ARHGAP10: variants seen among roughly 807,000 people sequenced by gnomAD.
ARHGAP10 encodes the protein Rho GTPase activating protein 10, also known as rho GTPase-activating protein 10.
In ARHGAP10, 87 loss-of-function variants were observed where a neutral mutation model predicts 108.6. The ratio of observed to expected loss-of-function variants is 0.80; its 90% CI spans 0.67 to 0.96. The LOEUF is 0.96. Among genes scored for constraint, ARHGAP10 ranks in the 40% least tolerant of loss-of-function variants. The probability of loss-of-function intolerance (pLI) is 0.00; values close to 1 mark genes in which losing one functional copy is unlikely to be tolerated. For missense variants in ARHGAP10, 939 were observed against 954.5 expected, an observed-to-expected ratio of 0.98 and a Z score of 0.21; for synonymous variants, 347 against 341.1, an observed-to-expected ratio of 1.02 and a Z score of -0.19.
At chr4:148,022,206 C>T (rs543593844) in intron 18 of ARHGAP10, among the ~76,000 whole-genome samples, 1 of 152,146 alleles carries the variant, frequency 6.6e-6, no homozygotes, top group Non-Finnish European at 1.5e-5. Context: ...ATGTGCAGAA[C>T]GTGCAGATTT....
chr4:147,780,632 T>C (rs1579034836), intron 1 of ARHGAP10, among the ~76,000 whole-genome samples: 1 of 152,258 alleles, frequency 6.6e-6, no homozygotes, highest in East Asian at 1.9e-4. Flanking sequence ...TCTTCTCCTT[T>C]GCATGGAGAG....
chr4:147,810,824 A>T (rs1019474803), intron 1 of ARHGAP10, among the ~76,000 whole-genome samples: 6 of 152,178 alleles, frequency 3.9e-5, no homozygotes, highest in African/African-American at 1.4e-4. Flanking sequence ...AATCTTCCTA[A>T]AGCCATCATG....
chr4:148,070,683 T>G (rs2149695749), intron 22 of ARHGAP10, among the ~76,000 whole-genome samples: 1 of 152,292 alleles, frequency 6.6e-6, no homozygotes, highest in South Asian at 2.1e-4. Flanking sequence ...TTCATGAAAC[T>G]TGTGTGTGTT....
intron 18 of ARHGAP10, among the ~76,000 whole-genome samples, chr4:148,011,692 G>A (rs7666885): frequency 0.23 from 35,006 of 152,118 alleles, 6,270 homozygotes; most frequent in African/African-American, 0.5. Context: ...AAGAGTGTCA[G>A]AGAATTTGTG....
At position 148,023,289 on chromosome 4, in the gene ARHGAP10, A is replaced by G; in HGVS notation, c.1743A>G (p.Thr581=). The G allele has an allele frequency of 3.1e-6, 5 of 1,614,118 alleles. No individual in the cohort carries two copies. The highest frequency in any genetic ancestry group is 4.2e-6 in the Non-Finnish European group (5 of 1,179,982). Residue 581 remains threonine, a synonymous_variant, in exon 19 of 23, where the codon ACA becomes ACG. Coordinates refer to ENST00000336498, the MANE Select transcript of ARHGAP10 (RefSeq NM_024605.4). The part of the protein sequence containing the change: ...EKIFRTPPDT[T]FPEPTCLSAS... ...TTTTTCGGACGCCGCCCGATACTAC[A>G]TTCCCTGAGCCCACCTGCCTGTCAG...
At chr4:148,025,211 G>A (rs1248297083) in intron 19 of ARHGAP10, among the ~76,000 whole-genome samples, 2 of 152,046 alleles carry the variant, frequency 1.3e-5, no homozygotes, top group Admixed American at 6.6e-5. Context: ...AAAATAATTC[G>A]TTAAAATTAC....
At chr4:147,980,116 T>C (rs1739754070) in intron 18 of ARHGAP10, among the ~76,000 whole-genome samples, 1 of 152,194 alleles carries the variant, frequency 6.6e-6, no homozygotes, top group Non-Finnish European at 1.5e-5. Context: ...GTTCCGGTTC[T>C]TAAGGAAAAT....
chr4:147,964,068 G>A (rs1199418709), intron 16 of ARHGAP10, among the ~76,000 whole-genome samples: 1 of 152,156 alleles, frequency 6.6e-6, no homozygotes, highest in African/African-American at 2.4e-5. Flanking sequence ...TCACTGACCC[G>A]AGGAAACTGC....
At chr4:148,013,249 C>T (rs776767642) in intron 18 of ARHGAP10, among the ~76,000 whole-genome samples, 1 of 152,162 alleles carries the variant, frequency 6.6e-6, no homozygotes, top group African/African-American at 2.4e-5. Flanking sequence ...ATTGGATTCT[C>T]TCTTAAATAT....
intron 18 of ARHGAP10, among the ~76,000 whole-genome samples, chr4:147,982,299 A>G (rs2149627999): frequency 6.6e-6 from 1 of 150,890 alleles, no homozygotes; most frequent in South Asian, 2.1e-4. Context: ...AAGTCTGATG[A>G]CTATGTGCCT....
chr4:147,861,947 C>G (rs1020229633), intron 5 of ARHGAP10: 2 of 152,398 alleles, frequency 1.3e-5, no homozygotes, highest in Admixed American at 1.3e-4. Context: ...CCCAGCGGCT[C>G]CCAGGCTTCA....
intron 1 of ARHGAP10, among the ~76,000 whole-genome samples, chr4:147,757,023 G>A (rs1024676444): frequency 1.3e-5 from 2 of 149,978 alleles, no homozygotes; most frequent in Non-Finnish European, 3.0e-5. Context: ...GAGTGAGAGC[G>A]AGAGAGAGAG....
chr4:148,066,317 T>C (rs1409811877), intron 22 of ARHGAP10, among the ~76,000 whole-genome samples: 1 of 152,222 alleles, frequency 6.6e-6, no homozygotes, highest in Non-Finnish European at 1.5e-5. Flanking sequence ...GTCACATGCT[T>C]ACCCTACATC....
chr4:147,963,556 G>A (rs900127781), intron 16 of ARHGAP10, among the ~76,000 whole-genome samples: 4 of 152,162 alleles, frequency 2.6e-5, no homozygotes, highest in Non-Finnish European at 2.9e-5. Context: ...AGGGAATTGG[G>A]GTACACTGTT....
At chr4:147,764,461 C>G (rs749932844) in intron 1 of ARHGAP10, among the ~76,000 whole-genome samples, 23 of 151,594 alleles carry the variant, frequency 1.5e-4, no homozygotes, top group Non-Finnish European at 2.7e-4. Context: ...CATCGGCTCC[C>G]ATGCAGTAAT....
intron 5 of ARHGAP10, among the ~76,000 whole-genome samples, chr4:147,859,087 A>G (rs1560794619): frequency 6.6e-6 from 1 of 152,128 alleles, no homozygotes; most frequent in Non-Finnish European, 1.5e-5. Context: ...TCAGCATAGC[A>G]TATACTCAGG....
chr4:147,848,925 G>A (rs1193002933), intron 4 of ARHGAP10, among the ~76,000 whole-genome samples: 1 of 152,216 alleles, frequency 6.6e-6, no homozygotes, highest in East Asian at 1.9e-4. Flanking sequence ...GCTTTGAGCT[G>A]TTTAATGACC....
intron 10 of ARHGAP10, among the ~76,000 whole-genome samples, chr4:147,897,078 T>C (rs1259850397): frequency 1.3e-5 from 2 of 152,106 alleles, no homozygotes; most frequent in African/African-American, 2.4e-5. Flanking sequence ...AACAGTAATA[T>C]AGCTACACTT....
At chr4:147,849,522 G>T (rs575638507) in intron 4 of ARHGAP10, among the ~76,000 whole-genome samples, 2 of 152,264 alleles carry the variant, frequency 1.3e-5, no homozygotes, top group South Asian at 2.1e-4. Flanking sequence ...CAGTTTTCAC[G>T]TGGGGATTTA....
Sources: allele counts gnomAD v4.1 joint callset (sites outside exome capture counted in the v4.1 genomes callset), GRCh38; gene constraint gnomAD v4.1.1; transcripts MANE v1.5; gene names NCBI Gene and HGNC (gene_info 2026-07-23, HGNC 2026-07-21).